The following ASRGL1 variants were observed in gnomAD, a reference collection of about 807,000 sequenced individuals.
The protein encoded by ASRGL1 is asparaginase and isoaspartyl peptidase 1, also known as isoaspartyl peptidase/L-asparaginase.
Under a neutral mutation model 22.4 loss-of-function variants are expected in ASRGL1, and 16 were observed. The ratio of observed to expected loss-of-function variants is 0.71; its 90% CI spans 0.48 to 1.08. The LOEUF (loss-of-function observed/expected upper bound fraction) is 1.08. Ranked by LOEUF, ASRGL1 falls within the 50% of genes least tolerant of loss-of-function variation. The pLI, the probability that ASRGL1 is intolerant of heterozygous loss-of-function variation, is 0.00. For synonymous variants in ASRGL1, 165 were observed against 159.3 expected (o/e 1.04, Z -0.27); for missense variants, 412 against 410.1 (o/e 1.00, Z -0.04).
intron 4 of ASRGL1, among the ~76,000 whole-genome samples, chr11:62,387,073 T>TTA (rs1351233241): frequency 6.6e-6 from 1 of 151,436 alleles, no homozygotes; most frequent in Non-Finnish European, 1.5e-5. Flanking sequence ...TTTTTTTTTT[T>TTA]TGTATTTTTA....
intron 4 of ASRGL1, among the ~76,000 whole-genome samples, chr11:62,387,109 A>T (rs1947235356): frequency 6.8e-6 from 1 of 148,016 alleles, no homozygotes; most frequent in African/African-American, 2.5e-5. Context: ...CACCATGTTG[A>T]CCAGGCTAGT....
chr11:62,371,606 G>A (rs1946768542), intron 4 of ASRGL1: 11 of 667,166 alleles, frequency 1.6e-5, no homozygotes, highest in Middle Eastern at 5.2e-4. Context: ...AAGTGCAAAG[G>A]GGAGCTTTTG....
At chr11:62,394,257 TTA>T (rs1051397335), downstream of ASRGL1, among the ~76,000 whole-genome samples, 4 of 142,026 alleles carry the variant, frequency 2.8e-5, no homozygotes, top group Non-Finnish European at 6.1e-5. Context: ...TTGTTATATA[TTA>T]TATACTATAT....
At position 62,357,159 on chromosome 11, in the gene ASRGL1, T is replaced by C; in HGVS notation, c.491+15T>C. 1 of 1,608,862 alleles carries C rather than the reference T, an allele frequency of 6.2e-7. No homozygotes were observed. Among genetic ancestry groups the C allele is most frequent in the Non-Finnish European group, 8.5e-7 (1 of 1,178,546 alleles). ...GATTGTCAAAAGTAAGTCTTACCTGTGGCTCGCATTATTTGGGAGTTATTA... is the reference window on the plus strand; with the variant it reads ...GATTGTCAAAAGTAAGTCTTACCTGCGGCTCGCATTATTTGGGAGTTATTA... On this transcript the variant is annotated intron_variant, in intron 4 of 6. Transcript: ENST00000415229.
At chr11:62,338,663 C>G (rs916869813) in intron 2 of ASRGL1, among the ~76,000 whole-genome samples, 3 of 152,032 alleles carry the variant, frequency 2.0e-5, no homozygotes, top group Non-Finnish European at 4.4e-5. Context: ...CGGTTTAGCA[C>G]GGTGGCTCAC....
At chr11:62,347,011 A>AT (rs1329035799) in intron 2 of ASRGL1, among the ~76,000 whole-genome samples, 5 of 151,930 alleles carry the variant, frequency 3.3e-5, no homozygotes, top group Non-Finnish European at 7.4e-5. Flanking sequence ...AAGGTTAGCG[A>AT]TTATGCATAC....
chr11:62,345,947 T>C (rs1339396663), intron 2 of ASRGL1, among the ~76,000 whole-genome samples: 1 of 152,096 alleles, frequency 6.6e-6, no homozygotes, highest in Non-Finnish European at 1.5e-5. Context: ...GGGGCCCAGT[T>C]CCTAACAGGC....
At chr11:62,373,103 A>G (rs1590743261) in intron 4 of ASRGL1, 4 of 1,469,936 alleles carry the variant, frequency 2.7e-6, no homozygotes, top group East Asian at 4.5e-5. Context: ...CCTTGGTGAT[A>G]GCAAGAGATG....
intron 2 of ASRGL1, among the ~76,000 whole-genome samples, chr11:62,352,057 A>G (rs540934171): frequency 2.6e-5 from 4 of 152,216 alleles, no homozygotes; most frequent in African/African-American, 9.6e-5. Flanking sequence ...TATGGACTGA[A>G]TGTTTATGTC....
Position 62,392,348 on chromosome 11 carries a change from T to C in ASRGL1, c.*64T>C. The C allele has an allele frequency of 6.4e-7, 1 of 1,561,964 alleles. No homozygotes were observed. The highest frequency in any genetic ancestry group is 2.3e-5 in the East Asian group (1 of 44,366). On this transcript the variant is annotated 3_prime_UTR_variant, in exon 7 of 7. Coordinates refer to ENST00000415229, the MANE Select transcript of ASRGL1 (RefSeq NM_001083926.2). ...TCAAGTACAGTCTCCTCATGAGACA[T>C]AGCCTAATCAATTAGATCTAGAATT... is the stretch of plus-strand genomic sequence containing the variant.
intron 2 of ASRGL1, among the ~76,000 whole-genome samples, chr11:62,341,872 T>C (rs1201351375): frequency 6.6e-6 from 1 of 152,246 alleles, no homozygotes; most frequent in Non-Finnish European, 1.5e-5. Context: ...AACTAATCTG[T>C]TTACTATTCC....
At chr11:62,371,199 C>A in intron 4 of ASRGL1, 1 of 1,253,532 alleles carries the variant, frequency 8.0e-7, no homozygotes, top group Non-Finnish European at 1.0e-6. Flanking sequence ...GCACTGCCCA[C>A]GCCAGGGCCC....
chr11:62,364,255 G>GTA lies in ASRGL1; in HGVS notation c.491+7111_491+7112insTA, dbSNP rs548958033. On this transcript the variant is annotated intron_variant, in intron 4 of 6. Transcript: ENST00000415229. ...CATAATTTATTAAATGTGTGTGTGT[G>GTA]CGCGTGCATGTGTGCGTGTATGTGT... is the stretch of plus-strand genomic sequence containing the variant. Among the ~76,000 whole-genome samples the GTA allele has an allele frequency of 7.3e-4, 111 of 151,880 alleles. No individual in the cohort carries two copies. The East Asian group carries it at 7.3e-3, about 10-fold the overall frequency.
rs55751525 is a variant in ASRGL1, at chr11:62,368,916, G to T, written c.491+11772G>T. ...ATCTCAGTAAATAGAACATACAATC[G>T]GGTTTTACACCCGAGACATTCCATT... is the stretch of plus-strand genomic sequence containing the variant. On this transcript the variant is annotated intron_variant, in intron 4 of 6. Coordinates refer to ENST00000415229, the MANE Select transcript of ASRGL1 (RefSeq NM_001083926.2). 5.0e-3 allele frequency among the ~76,000 whole-genome samples: 768 copies of T among 152,184 alleles called. 12 individuals carry two copies. Among genetic ancestry groups the T allele is most frequent in the African/African-American group, 0.018 (744 of 41,498 alleles).
chr11:62,375,079 C>T (rs1281818075), intron 4 of ASRGL1, among the ~76,000 whole-genome samples: 2 of 151,902 alleles, frequency 1.3e-5, no homozygotes, highest in Admixed American at 6.6e-5. Context: ...CATGTAAACC[C>T]GGCAGCCAGC....
At position 62,375,482 on chromosome 11, in the gene ASRGL1, T is replaced by TATATATATA. The variant is rs1565169632; in HGVS notation, c.492-13651_492-13650insATATATATA. On this transcript the variant is annotated intron_variant, in intron 4 of 6. Coordinates refer to ENST00000415229, the MANE Select transcript of ASRGL1 (RefSeq NM_001083926.2). ...TATATATATATATATATATATATAT[T>TATATATATA]TCTTGGAGTAAACATTTTAAATAAA... 8.3e-4 allele frequency among the ~76,000 whole-genome samples: 59 copies of TATATATATA among 70,904 alleles called. 7 individuals carry two copies. Among genetic ancestry groups the TATATATATA allele is most frequent in the South Asian group, 3.2e-3 (6 of 1,860 alleles). The allele number at this position is 70,904 out of a possible 152,430, so 46.5% of individuals were successfully genotyped here.
the ASRGL1 span, among the ~76,000 whole-genome samples, chr11:62,400,764 A>T: frequency 6.6e-6 from 1 of 152,172 alleles, no homozygotes; most frequent in African/African-American, 2.4e-5. Flanking sequence ...CTTCGAGTTC[A>T]ACTCTGCTTG....
chr11:62,343,377 C>CAAAAAAAAAAAAA (rs35798082), intron 2 of ASRGL1, among the ~76,000 whole-genome samples: 1 of 86,352 alleles, frequency 1.2e-5, no homozygotes, highest in African/African-American at 4.7e-5. Flanking sequence ...GACCCTGTCT[C>CAAAAAAAAAAAAA]AAAAAAAAAA....
Position 62,356,254 on chromosome 11 carries a change from A to AC in ASRGL1, c.191-64dup, listed in dbSNP as rs34891208. The AC allele has an allele frequency of 3.5e-5, 54 of 1,544,704 alleles. No homozygotes were observed. The East Asian group carries it at 7.6e-4, about 22-fold the overall frequency. On this transcript the variant is annotated intron_variant, in intron 2 of 6. Coordinates refer to ENST00000415229, the MANE Select transcript of ASRGL1 (RefSeq NM_001083926.2). ...GGGCGGCTGGCCGGGCGGGGGGCTG[A>AC]CCCCCCCACCTCCCTCCCGGACGGG...
Sources: gnomAD v4.1 joint callset for allele counts (sites outside exome capture counted in the v4.1 genomes callset) on GRCh38, gnomAD v4.1.1 for gene constraint, MANE v1.5 for transcripts, NCBI Gene and HGNC (gene_info 2026-07-23, HGNC 2026-07-21) for gene names.